NFATC1: variants seen among roughly 807,000 people sequenced by gnomAD.
NFATC1 encodes nuclear factor of activated T cells 1, also known as nuclear factor of activated T-cells, cytoplasmic 1.
A neutral mutation model predicts 76.0 loss-of-function variants in NFATC1; 22 were observed. The observed-to-expected ratio is 0.29, with a 90% CI of 0.21 to 0.41. NFATC1 has a LOEUF of 0.41. Ranked by LOEUF, NFATC1 falls within the 10% of genes least tolerant of loss-of-function variation. NFATC1 has a pLI of 1.00. For synonymous variants in NFATC1, 704 were observed against 613.1 expected, an observed-to-expected ratio of 1.15 and a Z score of -2.19; for missense variants, 1,357 against 1,337.7, an observed-to-expected ratio of 1.01 and a Z score of -0.23.
chr18:79,448,548 A>C, intron 3 of NFATC1: 1 of 570,142 alleles, frequency 1.8e-6, no homozygotes, highest in South Asian at 2.1e-5. Context: ...GTGTGGATGC[A>C]TACGTGCAAG....
chr18:79,424,341 CAG>C (rs999243163), intron 2 of NFATC1, among the ~76,000 whole-genome samples: 4 of 152,238 alleles, frequency 2.6e-5, no homozygotes, highest in African/African-American at 7.2e-5. Context: ...CGGCACAGGT[CAG>C]GGGGCAAAGC....
intron 5 of NFATC1, among the ~76,000 whole-genome samples, 198 bp downstream of exon 5, chr18:79,451,324 G>C (rs916798973): frequency 3.3e-5 from 5 of 152,266 alleles, no homozygotes; most frequent in Non-Finnish European, 2.9e-5. Context: ...GGGGCCCCTG[G>C]CGCTGGCTCC....
intron 9 of NFATC1, among the ~76,000 whole-genome samples, chr18:79,512,198 A>ACCCCAGGACACGGCCTCG (rs1225786005): frequency 1.2e-4 from 18 of 151,570 alleles, no homozygotes; most frequent in African/African-American, 2.7e-4. Context: ...ACACGGCCTC[A>ACCCCAGGACACGGCCTCG]CCCCAGGACA....
chr18:79,403,825 C>T (rs749926854), intron 1 of NFATC1, among the ~76,000 whole-genome samples: 6 of 152,224 alleles, frequency 3.9e-5, no homozygotes, highest in Non-Finnish European at 7.3e-5. Context: ...CAAGAGGGCC[C>T]GGGGTGTCCG....
chr18:79,411,625 G>T, intron 2 of NFATC1, 124 bp downstream of exon 2: 1 of 709,296 alleles, frequency 1.4e-6, no homozygotes, highest in Middle Eastern at 5.6e-4. Context: ...CAGGACCTGG[G>T]TGGGCAGGTG....
At chr18:79,516,313 C>T (rs978465474) in intron 9 of NFATC1, among the ~76,000 whole-genome samples, 2 of 151,948 alleles carry the variant, frequency 1.3e-5, no homozygotes, top group Non-Finnish European at 1.5e-5. Context: ...TGGCTTATTG[C>T]GATGAAAAAG....
chr18:79,450,833 G>A (rs2087440008), intron 4 of NFATC1, 121 bp from the exon 5 acceptor site: 1 of 1,262,682 alleles, frequency 7.9e-7, no homozygotes, highest in East Asian at 2.4e-5. Flanking sequence ...AGGGGAGAGT[G>A]GCCAGCTGCC....
At chr18:79,478,630 G>A (rs899461299) in intron 8 of NFATC1, among the ~76,000 whole-genome samples, 1 of 152,214 alleles carries the variant, frequency 6.6e-6, no homozygotes, top group Non-Finnish European at 1.5e-5. Flanking sequence ...TTTGGCTGAC[G>A]ATGGCCGTGG....
At chr18:79,478,729 C>T (rs1300479217) in intron 8 of NFATC1, among the ~76,000 whole-genome samples, 1 of 152,210 alleles carries the variant, frequency 6.6e-6, no homozygotes, top group Non-Finnish European at 1.5e-5. Flanking sequence ...TGCATGGGGC[C>T]TGGAAACGTC....
At position 79,465,572 on chromosome 18, in the gene NFATC1, C is replaced by T. The variant is rs888425306; in HGVS notation, c.1960-1878C>T. 7.9e-5 allele frequency among the ~76,000 whole-genome samples: 12 copies of T among 152,188 alleles called. No homozygotes were observed. Among genetic ancestry groups the T allele is most frequent in the Admixed American group, 7.2e-4 (11 of 15,286 alleles). On this transcript the variant is annotated intron_variant, in intron 7 of 9. Coordinates refer to ENST00000427363, the MANE Select transcript of NFATC1 (RefSeq NM_001278669.2). This position sits in a 1 kb window ranked among gnomAD's most constrained non-coding sequence, Gnocchi z 4.2. ...TCCCCGCCTCCACCCCAGCCTGTCC[C>T]GTGGGGTCCCCGCCTCCCCACTCCT...
At chr18:79,402,865 A>T (rs565375972) in intron 1 of NFATC1, among the ~76,000 whole-genome samples, 1 of 152,330 alleles carries the variant, frequency 6.6e-6, no homozygotes, top group South Asian at 2.1e-4. Context: ...CCAGCTTTTG[A>T]CGGGTGATAG....
At chr18:79,481,982 CGTGACCTGGTCCTGGGGTGTCATTCCAGT>C (rs2089291083) in intron 8 of NFATC1, among the ~76,000 whole-genome samples, 13 of 135,408 alleles carry the variant, frequency 9.6e-5, no homozygotes, top group East Asian at 2.3e-4. Flanking sequence ...GTCATTCCAG[CGTGACCTGGTCCTGGGGTGTCATTCCAGT>C]GTGACCTGGT....
chr18:79,416,906 G>A (rs933578399), intron 2 of NFATC1, among the ~76,000 whole-genome samples: 5 of 152,228 alleles, frequency 3.3e-5, no homozygotes, highest in African/African-American at 1.2e-4. Context: ...CGGCATGGGT[G>A]TCAGGCCCTG....
chr18:79,429,167 G>A (rs1306002936), intron 2 of NFATC1, among the ~76,000 whole-genome samples: 3 of 150,080 alleles, frequency 2.0e-5, no homozygotes, highest in African/African-American at 7.4e-5. Context: ...GCTGCAGTGA[G>A]CCGAGATGGC....
chr18:79,418,396 A>G (rs917225303), intron 2 of NFATC1, among the ~76,000 whole-genome samples: 1 of 152,130 alleles, frequency 6.6e-6, no homozygotes, highest in Non-Finnish European at 1.5e-5. Flanking sequence ...TCCAGACTCC[A>G]CCGGTGCTGG....
intron 1 of NFATC1, chr18:79,409,974 G>C (rs1168633132): frequency 1.9e-6 from 1 of 530,486 alleles, no homozygotes; most frequent in African/African-American, 1.9e-5. Flanking sequence ...TGAAGATGGG[G>C]TGGTTGAGGA....
At chr18:79,413,159 G>A (rs576368493) in intron 2 of NFATC1, among the ~76,000 whole-genome samples, 31 of 152,276 alleles carry the variant, frequency 2.0e-4, no homozygotes, top group African/African-American at 6.5e-4. Flanking sequence ...GTCCATCACC[G>A]CGGAACTTCA....
At position 79,473,363 on chromosome 18, in the gene NFATC1, C is replaced by T. The variant is rs558694437; in HGVS notation, c.2092+5781C>T. Among the ~76,000 whole-genome samples the T allele has an allele frequency of 1.0e-4, 16 of 152,404 alleles. No individual in the cohort carries two copies. In the South Asian group the frequency reaches 2.3e-3, roughly 22 times the overall value. ...CTCTTCAGACGGCAAGTGAGAGAAG[C>T]GTGTTCTCACGCTTACTGTCAACGT... On this transcript the variant is annotated intron_variant, in intron 8 of 9. Coordinates refer to ENST00000427363, the MANE Select transcript of NFATC1 (RefSeq NM_001278669.2).
intron 1 of NFATC1, among the ~76,000 whole-genome samples, chr18:79,406,784 G>A (rs780468327): frequency 5.3e-5 from 8 of 151,998 alleles, no homozygotes; most frequent in Admixed American, 1.3e-4. Flanking sequence ...CCCCCACCGC[G>A]CCTTCCTTCT....
Sources: gnomAD v4.1 joint callset for allele counts (sites outside exome capture counted in the v4.1 genomes callset) on GRCh38, gnomAD v4.1.1 for gene constraint, Gnocchi (gnomAD v3.1) non-coding constraint, MANE v1.5 for transcripts, NCBI Gene and HGNC (gene_info 2026-07-23, HGNC 2026-07-21) for gene names.